The following EPHA3 variants were observed in gnomAD, a reference collection of about 807,000 sequenced individuals.
EPHA3 encodes ephrin type-A receptor 3.
In EPHA3, 42 loss-of-function variants were observed where a neutral mutation model predicts 107.1. That is an observed-to-expected ratio of 0.39 (90% CI 0.31 to 0.51). EPHA3 has a LOEUF of 0.51. Ranked by LOEUF, EPHA3 falls within the 20% of genes least tolerant of loss-of-function variation. EPHA3 has a pLI of 0.78. For missense variants in EPHA3, 1,183 were observed against 1,211.2 expected (o/e 0.98, Z 0.35); for synonymous variants, 461 against 424.8 (o/e 1.09, Z -1.05).
chr3:89,443,084 A>AT (rs1412744478), intron 13 of EPHA3, among the ~76,000 whole-genome samples: 1 of 152,126 alleles, frequency 6.6e-6, no homozygotes, highest in Non-Finnish European at 1.5e-5. Context: ...CCCTTGTGTA[A>AT]TTTTTTTAAT....
At chr3:89,134,276 G>C (rs1704265827) in intron 2 of EPHA3, among the ~76,000 whole-genome samples, 1 of 151,032 alleles carries the variant, frequency 6.6e-6, no homozygotes, top group African/African-American at 2.4e-5. Context: ...GTGCAGGTTT[G>C]TTACACATGT....
intron 3 of EPHA3, among the ~76,000 whole-genome samples, chr3:89,212,291 G>A (rs968418770): frequency 6.6e-5 from 10 of 151,958 alleles, no homozygotes; most frequent in African/African-American, 2.4e-4. Flanking sequence ...ATGTTTCTGG[G>A]ATCTGGGCAG....
At chr3:89,314,828 C>T (rs1212947297) in intron 3 of EPHA3, among the ~76,000 whole-genome samples, 1 of 151,910 alleles carries the variant, frequency 6.6e-6, no homozygotes, top group Non-Finnish European at 1.5e-5. Flanking sequence ...TGCAGTTATG[C>T]GTTACTTAAC....
intron 3 of EPHA3, among the ~76,000 whole-genome samples, chr3:89,305,695 A>G (rs1053183554): frequency 6.6e-6 from 1 of 152,026 alleles, no homozygotes; most frequent in Non-Finnish European, 1.5e-5. Context: ...TGTTGACCCC[A>G]TTAACCCCTT....
chr3:89,324,500 AT>A (rs912612862), intron 3 of EPHA3, among the ~76,000 whole-genome samples: 32 of 149,126 alleles, frequency 2.1e-4, no homozygotes, highest in South Asian at 1.5e-3. Context: ...TTATTTTTTT[AT>A]TTTTTTTATT....
chr3:89,396,084 G>T (rs1708846582), intron 6 of EPHA3, 123 bp downstream of exon 6: 13 of 1,299,198 alleles, frequency 1.0e-5, no homozygotes, highest in Non-Finnish European at 1.4e-5. Flanking sequence ...TAGAACTGTG[G>T]CCCTGTGACC....
intron 2 of EPHA3, among the ~76,000 whole-genome samples, chr3:89,158,759 G>C (rs1559757050): frequency 6.6e-6 from 1 of 152,056 alleles, no homozygotes; most frequent in African/African-American, 2.4e-5. Context: ...ATGTGCTAAG[G>C]AGCATTCTTA....
chr3:89,312,661 G>A (rs1356174786), intron 3 of EPHA3, among the ~76,000 whole-genome samples: 2 of 151,710 alleles, frequency 1.3e-5, no homozygotes, highest in Non-Finnish European at 2.9e-5. Flanking sequence ...GGAGTTTGTT[G>A]AACAGATTAT....
At chr3:89,255,661 G>A (rs1182059069) in intron 3 of EPHA3, among the ~76,000 whole-genome samples, 1 of 151,952 alleles carries the variant, frequency 6.6e-6, no homozygotes, top group African/African-American at 2.4e-5. Context: ...AACACTTTGG[G>A]AGGCCAAGGC....
At chr3:89,442,209 T>A (rs1039638507) in intron 13 of EPHA3, among the ~76,000 whole-genome samples, 4 of 151,980 alleles carry the variant, frequency 2.6e-5, no homozygotes, top group African/African-American at 9.7e-5. Context: ...CATAAAAAAA[T>A]TCCAGAAGGG....
At chr3:89,140,963 C>A (rs9839323) in intron 2 of EPHA3, among the ~76,000 whole-genome samples, 19,055 of 151,542 alleles carry the variant, frequency 0.13, 1,179 homozygotes, top group Admixed American at 0.15. Flanking sequence ...TTCGATATAT[C>A]ATTTCATTTA....
At chr3:89,111,597 G>C (rs958291293) in intron 1 of EPHA3, among the ~76,000 whole-genome samples, 4 of 138,792 alleles carry the variant, frequency 2.9e-5, no homozygotes, top group African/African-American at 1.1e-4. Flanking sequence ...ACCCACAACA[G>C]TTAACACTTG....
At chr3:89,350,652 G>T (rs565830102) in intron 5 of EPHA3, among the ~76,000 whole-genome samples, 1 of 151,202 alleles carries the variant, frequency 6.6e-6, no homozygotes, top group African/African-American at 2.4e-5. Context: ...TTGTTCCATT[G>T]CTGGTGAGGA....
rs551617539 is a variant in EPHA3 at position 89,272,930 on chromosome 3, C to A, written c.814+62410C>A. 2.6e-4 allele frequency among the ~76,000 whole-genome samples: 40 copies of A among 151,934 alleles called. No homozygotes were observed. In the East Asian group the frequency reaches 7.7e-3, roughly 29 times the overall value. On this transcript the variant is annotated intron_variant, in intron 3 of 16. Transcript: ENST00000336596. ...GTAAAACACTTAAGAAACCATGTAT[C>A]TCTGGCTTAAAATAAATTCTGACTA...
At chr3:89,437,987 C>T (rs1709707142) in intron 13 of EPHA3, among the ~76,000 whole-genome samples, 4 of 152,098 alleles carry the variant, frequency 2.6e-5, no homozygotes. Context: ...GATTTTGTTA[C>T]AACATTTTAT....
At chr3:89,312,285 C>A (rs1463604678) in intron 3 of EPHA3, among the ~76,000 whole-genome samples, 2 of 150,910 alleles carry the variant, frequency 1.3e-5, no homozygotes, top group African/African-American at 4.9e-5. Flanking sequence ...CCATGCATTT[C>A]AAGAAAACTC....
At chr3:89,360,469 C>A (rs746012997) in intron 5 of EPHA3, among the ~76,000 whole-genome samples, 3 of 151,026 alleles carry the variant, frequency 2.0e-5, no homozygotes, top group Admixed American at 6.6e-5. Flanking sequence ...CAGCTAACTG[C>A]AACTCTATGC....
chr3:89,370,147 C>T (rs1394339126), intron 5 of EPHA3, among the ~76,000 whole-genome samples: 1 of 150,766 alleles, frequency 6.6e-6, no homozygotes, highest in Non-Finnish European at 1.5e-5. Context: ...CCCAGCCATT[C>T]CATTACTGGG....
At chr3:89,450,849 C>T (rs776258644) in intron 15 of EPHA3, among the ~76,000 whole-genome samples, 2 of 151,984 alleles carry the variant, frequency 1.3e-5, no homozygotes, top group African/African-American at 4.8e-5. Flanking sequence ...GAGGTTGCAA[C>T]GAGCTGATAT....
Sources: gnomAD v4.1 joint callset for allele counts (sites outside exome capture counted in the v4.1 genomes callset) on GRCh38, gnomAD v4.1.1 for gene constraint, MANE v1.5 for transcripts, NCBI Gene and HGNC (gene_info 2026-07-23, HGNC 2026-07-21) for gene names.